Variants in PRKCB observed in about 807,000 individuals in gnomAD.
PRKCB encodes protein kinase C beta type.
A neutral mutation model predicts 81.5 loss-of-function variants in PRKCB; 13 were observed. The ratio of observed to expected loss-of-function variants is 0.16; its 90% confidence interval spans 0.10 to 0.25. PRKCB has a LOEUF of 0.25. Ranked by LOEUF, PRKCB falls within the 10% of genes least tolerant of loss-of-function variation. The probability of loss-of-function intolerance (pLI) is 1.00; values close to 1 mark genes in which losing one functional copy is unlikely to be tolerated. For synonymous variants in PRKCB, 335 were observed against 321.4 expected, an observed-to-expected ratio of 1.04 and a Z score of -0.45; for missense variants, 509 against 875.7, an observed-to-expected ratio of 0.58 and a Z score of 5.29.
chr16:23,886,412 T>TTTTTTTTTTTTTGTTTTTG (rs1963202429), intron 2 of PRKCB, among the ~76,000 whole-genome samples: 1 of 110,904 alleles, frequency 9.0e-6, no homozygotes, highest in Admixed American at 9.0e-5. Context: ...AGGTGTTTTT[T>TTTTTTTTTTTTTGTTTTTG]TTTTTTTTTT....
intron 10 of PRKCB, among the ~76,000 whole-genome samples, chr16:24,158,004 C>T (rs1256969209): frequency 6.6e-6 from 1 of 152,186 alleles, no homozygotes; most frequent in Non-Finnish European, 1.5e-5. Context: ...ATCTCCCCAA[C>T]CGACAAGTCC....
chr16:23,883,546 T>A (rs1245365927), intron 2 of PRKCB, among the ~76,000 whole-genome samples: 2 of 152,170 alleles, frequency 1.3e-5, no homozygotes, highest in African/African-American at 4.8e-5. Flanking sequence ...CACCTTCCAT[T>A]GGCTGCCAAG....
intron 16 of PRKCB, among the ~76,000 whole-genome samples, chr16:24,193,463 A>AT (rs1555501766): frequency 3.3e-5 from 3 of 91,122 alleles, no homozygotes; most frequent in African/African-American, 1.0e-4. Flanking sequence ...AAATAAATAA[A>AT]TAAATAAATA....
chr16:24,134,928 T>C (rs1259893869), intron 9 of PRKCB, among the ~76,000 whole-genome samples: 1 of 151,754 alleles, frequency 6.6e-6, no homozygotes, highest in African/African-American at 2.4e-5. Context: ...TTTAGAAAGC[T>C]GCATAATGAC....
At chr16:24,024,514 G>C in intron 3 of PRKCB, among the ~76,000 whole-genome samples, 1 of 152,228 alleles carries the variant, frequency 6.6e-6, no homozygotes, top group East Asian at 1.9e-4. Context: ...TGATGGATAT[G>C]TTAATTTTCT....
At chr16:23,879,389 T>G (rs929270645) in intron 2 of PRKCB, among the ~76,000 whole-genome samples, 2 of 151,950 alleles carry the variant, frequency 1.3e-5, no homozygotes, top group Non-Finnish European at 2.9e-5. Flanking sequence ...AACCTTGAGG[T>G]TTTCCAGGCA....
intron 2 of PRKCB, among the ~76,000 whole-genome samples, chr16:23,919,489 T>C (rs1365709406): frequency 6.6e-6 from 1 of 152,166 alleles, no homozygotes; most frequent in African/African-American, 2.4e-5. Context: ...CAGATATCTC[T>C]ATATTTTGAA....
At chr16:24,119,227 G>A (rs1342741556) in intron 8 of PRKCB, among the ~76,000 whole-genome samples, 1 of 151,776 alleles carries the variant, frequency 6.6e-6, no homozygotes, top group African/African-American at 2.4e-5. Flanking sequence ...CTGGGAGGGA[G>A]GGAGGAAAGA....
intron 5 of PRKCB, among the ~76,000 whole-genome samples, chr16:24,046,449 A>G (rs1436816135): frequency 6.6e-6 from 1 of 152,242 alleles, no homozygotes; most frequent in African/African-American, 2.4e-5. Flanking sequence ...GAACACTATC[A>G]AGGAAATAAA....
intron 3 of PRKCB, among the ~76,000 whole-genome samples, chr16:23,999,168 C>G (rs1430706873): frequency 2.6e-5 from 4 of 152,202 alleles, no homozygotes; most frequent in African/African-American, 7.2e-5. Context: ...TCTCCTTTAG[C>G]TGCCCCTGAT....
chr16:23,873,502 G>T (rs758030516), intron 2 of PRKCB, among the ~76,000 whole-genome samples: 1 of 152,192 alleles, frequency 6.6e-6, no homozygotes, highest in Non-Finnish European at 1.5e-5. Context: ...GTTCCTGCAG[G>T]TCTGACTTTC....
chr16:24,094,305 A>G lies in PRKCB; in HGVS notation c.821+8A>G. On this transcript the variant is annotated splice_region_variant and intron_variant, in intron 7 of 16. Coordinates refer to ENST00000643927, the MANE Select transcript of PRKCB (RefSeq NM_002738.7). ...AGCCAGTGTTGATGGCTGGTAAGTA[A>G]GATTTTGCCTTGAAAGCTACCATAC... The G allele has an allele frequency of 2.5e-6, 4 of 1,613,742 alleles. No individual in the cohort carries two copies. The highest frequency in any genetic ancestry group is 3.4e-6 in the Non-Finnish European group (4 of 1,179,886).
At chr16:24,085,808 G>A (rs966625133) in intron 5 of PRKCB, among the ~76,000 whole-genome samples, 6 of 152,134 alleles carry the variant, frequency 3.9e-5, no homozygotes, top group East Asian at 1.9e-4. Flanking sequence ...GATTCACCAC[G>A]CTAGCTCTCC....
At chr16:24,021,749 T>C (rs1268687690) in intron 3 of PRKCB, among the ~76,000 whole-genome samples, 1 of 152,058 alleles carries the variant, frequency 6.6e-6, no homozygotes, top group Non-Finnish European at 1.5e-5. Context: ...AAGTTACTTC[T>C]CTGAGCCTCA....
At chr16:23,865,278 TG>T (rs1962751806) in intron 2 of PRKCB, among the ~76,000 whole-genome samples, 1 of 150,126 alleles carries the variant, frequency 6.7e-6, no homozygotes, top group African/African-American at 2.5e-5. Context: ...TGTGTGTGTG[TG>T]TGTGTGTGTG....
intron 2 of PRKCB, among the ~76,000 whole-genome samples, chr16:23,936,550 T>G (rs1258734895): frequency 6.7e-6 from 1 of 150,016 alleles, no homozygotes; most frequent in East Asian, 2.0e-4. Flanking sequence ...GTAGGTGAGG[T>G]CACAGGTGTG....
At position 23,836,092 on chromosome 16, in the gene PRKCB, C is replaced by G; in HGVS notation, c.-84C>G. On this transcript the variant is annotated 5_prime_UTR_variant, in exon 1 of 17. Transcript: ENST00000643927. The stretch of plus-strand genomic sequence containing the variant: ...GCCCCGGGTGCAGCAGCGGCCGCCG[C>G]CTCCCGCGCCTCCCCGGCCCGCAGC... The G allele has an allele frequency of 1.0e-6, 1 of 990,592 alleles. No individual in the cohort carries two copies. Among genetic ancestry groups the G allele is most frequent in the Non-Finnish European group, 1.2e-6 (1 of 820,890 alleles). The allele number at this position is 990,592 out of a possible 1,614,324, so 61.4% of individuals were successfully genotyped here.
intron 3 of PRKCB, among the ~76,000 whole-genome samples, chr16:24,009,741 C>G (rs1229498796): frequency 6.6e-6 from 1 of 151,520 alleles, no homozygotes; most frequent in South Asian, 2.1e-4. Flanking sequence ...AGGCTGGGCC[C>G]GGTGGCTCAC....
At chr16:24,059,791 C>T (rs1965948724) in intron 5 of PRKCB, among the ~76,000 whole-genome samples, 1 of 152,178 alleles carries the variant, frequency 6.6e-6, no homozygotes, top group Non-Finnish European at 1.5e-5. Flanking sequence ...TGGCCAACAC[C>T]TTAGATGCTG....
Sources: allele counts gnomAD v4.1 joint callset (sites outside exome capture counted in the v4.1 genomes callset), GRCh38; gene constraint gnomAD v4.1.1; transcripts MANE v1.5; gene names NCBI Gene and HGNC (gene_info 2026-07-23, HGNC 2026-07-21).